The following MEGF11 variants were observed in gnomAD, a reference collection of about 807,000 sequenced individuals.
MEGF11 encodes the protein multiple epidermal growth factor-like domains protein 11.
MEGF11 carries 126 observed loss-of-function variants against 146.6 expected under a neutral mutation model. The ratio of observed to expected loss-of-function variants is 0.86; its 90% CI spans 0.74 to 1.00. The LOEUF (loss-of-function observed/expected upper bound fraction) is 1.00. MEGF11 is among the 50% of genes least tolerant of loss of function. The pLI is 0.00. For missense variants in MEGF11, 1,509 were observed against 1,521.2 expected (o/e 0.99, Z 0.13); for synonymous variants, 532 against 583.4 (o/e 0.91, Z 1.27).
intron 1 of MEGF11, among the ~76,000 whole-genome samples, chr15:66,187,638 T>G (rs902149104): frequency 1.3e-5 from 2 of 152,130 alleles, no homozygotes; most frequent in African/African-American, 4.8e-5. Flanking sequence ...TGGGACTCAT[T>G]TCCCCTCATC....
chr15:65,931,054 G>T, intron 10 of MEGF11, 111 bp from the exon 11 acceptor site: 1 of 1,273,306 alleles, frequency 7.9e-7, no homozygotes, highest in African/African-American at 1.5e-5. Context: ...CCTAATCCCT[G>T]GGATCTGTGA....
At chr15:65,975,958 C>T (rs954117326) in intron 7 of MEGF11, among the ~76,000 whole-genome samples, 1 of 151,646 alleles carries the variant, frequency 6.6e-6, no homozygotes, top group Non-Finnish European at 1.5e-5. Flanking sequence ...AGAGAGCAGC[C>T]AGAGAAGTCA....
chr15:66,237,779 A>AG (rs1192805241), intron 1 of MEGF11, among the ~76,000 whole-genome samples: 1 of 152,224 alleles, frequency 6.6e-6, no homozygotes, highest in Non-Finnish European at 1.5e-5. Flanking sequence ...ATGGATGGCC[A>AG]GGAGAGGACC....
intron 4 of MEGF11, among the ~76,000 whole-genome samples, chr15:66,101,213 T>C (rs1224957739): frequency 6.6e-5 from 10 of 152,236 alleles, no homozygotes; most frequent in Admixed American, 5.9e-4. Context: ...AAAGTGACAC[T>C]TGTCTGTGTG....
intron 10 of MEGF11, among the ~76,000 whole-genome samples, chr15:65,946,729 C>T (rs751879876): frequency 1.3e-5 from 2 of 152,210 alleles, no homozygotes; most frequent in Non-Finnish European, 2.9e-5. Context: ...TCACCATCTC[C>T]CGACACAGAG....
Position 65,897,298 on chromosome 15 carries a change from C to A in MEGF11, c.*636G>T, listed in dbSNP as rs2078376650. ...GTGTGTGTGTCTCTGTGTGTTTAAACCTATCACTTAGGGGGCAGAAGAAAG... is the reference window on the plus strand; with the variant it reads ...GTGTGTGTGTCTCTGTGTGTTTAAAACTATCACTTAGGGGGCAGAAGAAAG... On this transcript the variant is annotated 3_prime_UTR_variant, in exon 26 of 26. Transcript: ENST00000395614. 2.0e-5 allele frequency: 3 copies of A among 152,122 alleles called. No individual in the cohort carries two copies. Among genetic ancestry groups the A allele is most frequent in the African/African-American group, 7.2e-5 (3 of 41,412 alleles). The allele number at this position is 152,122 out of a possible 1,614,324, so 9.4% of individuals were successfully genotyped here.
intron 10 of MEGF11, among the ~76,000 whole-genome samples, chr15:65,933,354 A>G (rs1435957729): frequency 6.6e-6 from 1 of 152,194 alleles, no homozygotes; most frequent in African/African-American, 2.4e-5. Context: ...CTGCTATCAG[A>G]AGGGGTTTCT....
chr15:66,104,310 G>T (rs2086965256), intron 4 of MEGF11, among the ~76,000 whole-genome samples: 1 of 152,198 alleles, frequency 6.6e-6, no homozygotes, highest in South Asian at 2.1e-4. Context: ...GTCTTTAGAA[G>T]AAACTGTGAA....
At chr15:66,116,778 A>T (rs1389625669) in intron 4 of MEGF11, among the ~76,000 whole-genome samples, 5 of 152,188 alleles carry the variant, frequency 3.3e-5, no homozygotes, top group Non-Finnish European at 7.4e-5. Flanking sequence ...AATGCCATGG[A>T]GGAGGGAACT....
intron 5 of MEGF11, among the ~76,000 whole-genome samples, chr15:66,032,769 C>T (rs1271089299): frequency 6.6e-6 from 1 of 152,140 alleles, no homozygotes; most frequent in African/African-American, 2.4e-5. Flanking sequence ...CTGCTGCATG[C>T]CTGCTTTTAA....
At position 65,897,837 on chromosome 15, in the gene MEGF11, G is replaced by T; in HGVS notation, c.*97C>A. 8.8e-7 allele frequency: 1 copy of T among 1,139,066 alleles called. No homozygotes were observed. 70.6% of individuals were successfully genotyped at this position (1,139,066 alleles called of 1,614,324 possible). A position where few individuals can be genotyped will look rare whatever the true frequency, so the allele number is the denominator to read the frequency against. ...TGAACGTAATAACTAACATGCAGCT[G>T]GAGCCAGTCTGTACCATTACTTCAA... On this transcript the variant is annotated 3_prime_UTR_variant, in exon 26 of 26. Coordinates refer to ENST00000395614, the MANE Select transcript of MEGF11 (RefSeq NM_001385028.1).
At chr15:65,985,034 G>T (rs1005346013) in intron 5 of MEGF11, among the ~76,000 whole-genome samples, 4 of 152,140 alleles carry the variant, frequency 2.6e-5, no homozygotes, top group South Asian at 2.1e-4. Flanking sequence ...CTCCCAAAGT[G>T]CTGGGATTAC....
chr15:65,987,947 G>A (rs1483751482), intron 5 of MEGF11, among the ~76,000 whole-genome samples: 1 of 150,504 alleles, frequency 6.6e-6, no homozygotes, highest in Admixed American at 6.7e-5. Flanking sequence ...CTGACCTCGT[G>A]ATCTGCCCAC....
chr15:66,128,443 T>A lies in MEGF11; in HGVS notation c.-8-32A>T, dbSNP rs555584029. The A allele has an allele frequency of 1.5e-5, 19 of 1,308,916 alleles. No homozygotes were observed. In the African/African-American group the frequency reaches 2.8e-4, roughly 19 times the overall value. 81.1% of individuals were successfully genotyped at this position (1,308,916 alleles called of 1,614,324 possible). A position where few individuals can be genotyped will look rare whatever the true frequency, so the allele number is the denominator to read the frequency against. ...AGGAGAACAAAGGAGGCTGCGTCTG[T>A]GATCAGACCATGTTCCTGGCAACTA... is the stretch of plus-strand genomic sequence containing the variant. On this transcript the variant is annotated intron_variant, in intron 1 of 25. Transcript: ENST00000395614.
Position 66,095,875 on chromosome 15 carries a change from T to C in MEGF11, c.302-1381A>G, listed in dbSNP as rs372352636. Among the ~76,000 whole-genome samples the C allele has an allele frequency of 1.9e-4, 29 of 152,298 alleles. No homozygotes were observed. In the East Asian group the frequency reaches 5.0e-3, roughly 26 times the overall value. ...CTGGAGCCCCGCTCGCTTGCAGCCC[T>C]GAGAAGCGGCTAACCCAGTGCTGGA... On this transcript the variant is annotated intron_variant, in intron 4 of 25. Coordinates refer to ENST00000395614, the MANE Select transcript of MEGF11 (RefSeq NM_001385028.1).
At chr15:66,176,674 T>C (rs574636689) in intron 1 of MEGF11, among the ~76,000 whole-genome samples, 3 of 152,264 alleles carry the variant, frequency 2.0e-5, no homozygotes, top group East Asian at 3.9e-4. Flanking sequence ...AGCTAAACTT[T>C]GTTTTTGGAA....
intron 1 of MEGF11, among the ~76,000 whole-genome samples, chr15:66,180,930 T>G (rs2090528362): frequency 1.3e-5 from 2 of 152,224 alleles, no homozygotes; most frequent in Non-Finnish European, 1.5e-5. Context: ...AAGAGCCTTT[T>G]GCATCTCAAT....
At chr15:66,157,523 T>G (rs1050662913) in intron 1 of MEGF11, among the ~76,000 whole-genome samples, 1 of 152,190 alleles carries the variant, frequency 6.6e-6, no homozygotes, top group Non-Finnish European at 1.5e-5. Context: ...CAAGGCTTTG[T>G]GCCAGGTATT....
chr15:66,073,091 C>T (rs922608809), intron 5 of MEGF11, among the ~76,000 whole-genome samples: 1 of 152,214 alleles, frequency 6.6e-6, no homozygotes, highest in Non-Finnish European at 1.5e-5. Flanking sequence ...CCTAGCAAGA[C>T]ATGTGGCCAT....
Sources: gnomAD v4.1 joint callset for allele counts (sites outside exome capture counted in the v4.1 genomes callset) on GRCh38, gnomAD v4.1.1 for gene constraint, MANE v1.5 for transcripts, NCBI Gene and HGNC (gene_info 2026-07-23, HGNC 2026-07-21) for gene names.